GPLD1: variants seen among roughly 807,000 people sequenced by gnomAD.
GPLD1 encodes the protein phosphatidylinositol-glycan-specific phospholipase D.
A neutral mutation model predicts 112.6 loss-of-function variants in GPLD1; 84 were observed. The ratio of observed to expected loss-of-function variants is 0.75; its 90% confidence interval spans 0.63 to 0.89. GPLD1 has a LOEUF of 0.89. Among genes scored for constraint, GPLD1 ranks in the 40% least tolerant of loss-of-function variants. The probability of loss-of-function intolerance (pLI) is 0.00; values close to 1 mark genes in which losing one functional copy is unlikely to be tolerated. For synonymous variants in GPLD1, 386 were observed against 403.8 expected, an observed-to-expected ratio of 0.96 and a Z score of 0.53; for missense variants, 1,044 against 1,051.5, an observed-to-expected ratio of 0.99 and a Z score of 0.10.
intron 17 of GPLD1, among the ~76,000 whole-genome samples, chr6:24,447,516 A>AG (rs1762946941): frequency 6.4e-5 from 1 of 15,686 alleles, no homozygotes; most frequent in Non-Finnish European, 1.5e-4. Context: ...ACTCTGTCTC[A>AG]AAAAAAAGAA....
intron 10 of GPLD1, among the ~76,000 whole-genome samples, chr6:24,465,313 G>A (rs1160785248): frequency 6.6e-6 from 1 of 152,084 alleles, no homozygotes; most frequent in Admixed American, 6.5e-5. Flanking sequence ...TCTGAGGCGG[G>A]TGGATCACTT....
At chr6:24,491,560 T>C (rs1764560598), upstream of GPLD1, among the ~76,000 whole-genome samples, 1 of 151,932 alleles carries the variant, frequency 6.6e-6, no homozygotes, top group Non-Finnish European at 1.5e-5. Context: ...AAACAAAAAT[T>C]AGCCGGGCAT....
At chr6:24,466,621 T>C in intron 10 of GPLD1, 59 bp downstream of exon 10, 2 of 1,405,582 alleles carry the variant, frequency 1.4e-6, no homozygotes, top group Non-Finnish European at 2.0e-6. Context: ...AGAGTTATGT[T>C]GGGGGATGGG....
intron 3 of GPLD1, among the ~76,000 whole-genome samples, 187 bp downstream of exon 3, chr6:24,479,694 C>A (rs1291096972): frequency 9.9e-5 from 15 of 152,124 alleles, no homozygotes; most frequent in Admixed American, 9.8e-4. Context: ...ATGGAAAATG[C>A]AACTATGTAA....
chr6:24,492,375 G>A (rs903024757), upstream of GPLD1, among the ~76,000 whole-genome samples: 4 of 151,808 alleles, frequency 2.6e-5, no homozygotes, highest in African/African-American at 4.8e-5. Flanking sequence ...GCATGGTGGC[G>A]CGCACCTGTA....
At chr6:24,485,857 T>A (rs1231123572) in intron 2 of GPLD1, among the ~76,000 whole-genome samples, 1 of 152,032 alleles carries the variant, frequency 6.6e-6, no homozygotes, top group Non-Finnish European at 1.5e-5. Context: ...TTAGTGGAGA[T>A]GGGGTTTCTC....
At chr6:24,470,385 T>C (rs1422432070) in intron 7 of GPLD1, among the ~76,000 whole-genome samples, 1 of 152,180 alleles carries the variant, frequency 6.6e-6, no homozygotes, top group Non-Finnish European at 1.5e-5. Flanking sequence ...TGAAATTGAA[T>C]GTACCTAACA....
In GPLD1 at chr6:24,426,896, C is replaced by T. The variant is rs1264990279; in HGVS notation, c.*2136G>A. ...GTTACTATGCAGCTAGCACATGTAC[C>T]TCTTCCAGAAAAATGAGGTCATCCT... On this transcript the variant is annotated 3_prime_UTR_variant, in exon 25 of 25. Coordinates refer to ENST00000230036, the MANE Select transcript of GPLD1 (RefSeq NM_001503.4). Among the ~76,000 whole-genome samples the T allele has an allele frequency of 6.6e-6, 1 of 152,152 alleles. No homozygotes were observed. The highest frequency in any genetic ancestry group is 2.4e-5 in the African/African-American group (1 of 41,432).
intron 10 of GPLD1, 35 bp from the exon 11 acceptor site, chr6:24,462,830 T>C (rs754141723): frequency 1.4e-6 from 2 of 1,419,576 alleles, no homozygotes; most frequent in Non-Finnish European, 2.0e-6. Context: ...GCCATTTATC[T>C]ACTTCTTCAC....
chr6:24,442,422 ATTTTTTTTTTTTTTTTTTTTTTTTTTTT>A (rs71002496), intron 20 of GPLD1, among the ~76,000 whole-genome samples: 1 of 60,618 alleles, frequency 1.6e-5, no homozygotes, highest in Non-Finnish European at 2.9e-5. Flanking sequence ...CATCTGGCTA[ATTTTTTTTTTTTTTTTTTTTTTTTTTTT>A]TTTTTTTTTT....
chr6:24,443,190 T>G (rs183392212), intron 20 of GPLD1, among the ~76,000 whole-genome samples: 3 of 152,240 alleles, frequency 2.0e-5, no homozygotes, highest in South Asian at 4.1e-4. Context: ...AATGAAAACT[T>G]GAAGCAAAAG....
chr6:24,485,444 T>C (rs1764338236), intron 2 of GPLD1, among the ~76,000 whole-genome samples: 1 of 152,034 alleles, frequency 6.6e-6, no homozygotes, highest in African/African-American at 2.4e-5. Flanking sequence ...CAGAGAAGAT[T>C]AGCACATTTT....
chr6:24,494,073 G>C (rs550824220), upstream of GPLD1, among the ~76,000 whole-genome samples: 45 of 152,348 alleles, frequency 3.0e-4, no homozygotes, highest in South Asian at 8.3e-3. Flanking sequence ...TGGTTGGATA[G>C]TATGCTCAAT....
chr6:24,491,701 A>C (rs1764564854), upstream of GPLD1, among the ~76,000 whole-genome samples: 1 of 148,150 alleles, frequency 6.7e-6, no homozygotes, highest in Admixed American at 6.7e-5. Flanking sequence ...CCCCACCTCA[A>C]AAAAAAAAAA....
At chr6:24,481,839 T>C (rs1285547945) in intron 2 of GPLD1, among the ~76,000 whole-genome samples, 1 of 152,166 alleles carries the variant, frequency 6.6e-6, no homozygotes, top group East Asian at 1.9e-4. Flanking sequence ...TTCCAAAAGA[T>C]AGCTTGAGTT....
intron 12 of GPLD1, among the ~76,000 whole-genome samples, chr6:24,457,351 C>A (rs867856055): frequency 9.9e-5 from 15 of 151,724 alleles, no homozygotes; most frequent in Non-Finnish European, 1.9e-4. Flanking sequence ...TGTGGTGGAG[C>A]GTGCCTGTAA....
Position 24,426,697 on chromosome 6 carries a change from A to G in GPLD1, c.*2335T>C, listed in dbSNP as rs1437812818. 1.8e-4 allele frequency among the ~76,000 whole-genome samples: 4 copies of G among 22,790 alleles called. No homozygotes were observed. The Admixed American group carries it at 3.0e-3, about 17-fold the overall frequency. The allele number at this position is 22,790 out of a possible 152,430, so 15.0% of individuals were successfully genotyped here. A position where few individuals can be genotyped will look rare whatever the true frequency, so the allele number is the denominator to read the frequency against. ...AAACATCCCTTTACTCAAGTGTCAG[A>G]TGTCAGAGTGCTCTAACTGCTCAAC... On this transcript the variant is annotated 3_prime_UTR_variant, in exon 25 of 25. Transcript: ENST00000230036.
chr6:24,479,914 G>T lies in GPLD1; in HGVS notation c.199C>A (p.Pro67Thr). 6.2e-7 allele frequency: 1 copy of T among 1,611,298 alleles called. No homozygotes were observed. The highest frequency in any genetic ancestry group is 8.5e-7 in the Non-Finnish European group (1 of 1,177,536). ...QDAYQAGIVF[P>T]DCFYPSICKG... Reference sequence around the variant, plus strand: ...CAGATGCTAGGGTAAAAACAATCAGGAAACACGATTCCAGCCTGATACGCA... The same window carrying T: ...CAGATGCTAGGGTAAAAACAATCAGTAAACACGATTCCAGCCTGATACGCA... The change falls in exon 3 of 25, where the codon CCT (proline) becomes ACT (threonine). Residue 67 changes from proline (P) to threonine (T), a missense_variant. Transcript: ENST00000230036.
chr6:24,466,165 C>T (rs183938901), intron 10 of GPLD1, among the ~76,000 whole-genome samples: 2 of 152,336 alleles, frequency 1.3e-5, no homozygotes, highest in Admixed American at 1.3e-4. Context: ...GCCAATATGG[C>T]GAAACCTCAT....
Sources: allele counts gnomAD v4.1 joint callset (sites outside exome capture counted in the v4.1 genomes callset), GRCh38; gene constraint gnomAD v4.1.1; transcripts MANE v1.5; gene names NCBI Gene and HGNC (gene_info 2026-07-23, HGNC 2026-07-21).